GLMN: variants seen among roughly 807,000 people sequenced by gnomAD.
The protein encoded by GLMN is glomulin.
A neutral mutation model predicts 87.8 loss-of-function variants in GLMN; 75 were observed. That is an observed-to-expected ratio of 0.85 (90% CI 0.71 to 1.04). The LOEUF (loss-of-function observed/expected upper bound fraction) is 1.04, where lower values mean the gene tolerates loss of function less well. Among genes scored for constraint, GLMN ranks in the 50% least tolerant of loss-of-function variants. The pLI, the probability that GLMN is intolerant of heterozygous loss-of-function variation, is 0.00. For synonymous variants in GLMN, 206 were observed against 221.6 expected (o/e 0.93, Z 0.63); for missense variants, 588 against 658.8 (o/e 0.89, Z 1.18).
the GLMN span, among the ~76,000 whole-genome samples, chr1:92,361,077 C>CATATATATATATATA: frequency 5.9e-3 from 843 of 142,612 alleles, 3 homozygotes; most frequent in Middle Eastern, 0.011. Flanking sequence ...AAGCAAAAAG[C>CATATATATATATATA]ATATATATAT....
intron 3 of GLMN, among the ~76,000 whole-genome samples, chr1:92,297,144 G>T (rs1224386538): frequency 2.4e-4 from 35 of 147,254 alleles, no homozygotes; most frequent in Non-Finnish European, 7.5e-5. Flanking sequence ...CTGAGACAGG[G>T]TCTTACTCTG....
chr1:92,365,837 C>T, the GLMN span, among the ~76,000 whole-genome samples: 7 of 152,106 alleles, frequency 4.6e-5, no homozygotes, highest in Non-Finnish European at 7.3e-5. Context: ...TGTGGTCTAG[C>T]GGTTAGAAGT....
upstream of GLMN, among the ~76,000 whole-genome samples, chr1:92,301,819 C>T (rs1423371707): frequency 1.3e-5 from 2 of 152,068 alleles, no homozygotes; most frequent in Non-Finnish European, 2.9e-5. Flanking sequence ...GGTGATGACA[C>T]GTAATGTATA....
the GLMN span, among the ~76,000 whole-genome samples, chr1:92,350,591 T>C: frequency 0.86 from 131,407 of 152,206 alleles, 57,157 homozygotes; most frequent in East Asian, 1. Context: ...GTTAGGCTCT[T>C]TCCACAATCT....
chr1:92,300,242 A>G, upstream of GLMN: 1 of 1,605,780 alleles, frequency 6.2e-7, no homozygotes. Flanking sequence ...TCTAAAAGGT[A>G]TGACAGCTAC....
the GLMN span, among the ~76,000 whole-genome samples, chr1:92,334,943 G>A: frequency 3.3e-5 from 5 of 152,026 alleles, no homozygotes; most frequent in East Asian, 1.9e-4. Flanking sequence ...AGCCAAGATC[G>A]CACCACTGCA....
At chr1:92,248,364 TCC>T in intron 16 of GLMN, 1 of 189,436 alleles carries the variant, frequency 5.3e-6, no homozygotes, top group Non-Finnish European at 1.1e-5. Context: ...TCAATTGATA[TCC>T]ACACCACGGA....
intron 16 of GLMN, among the ~76,000 whole-genome samples, chr1:92,262,205 TAAC>T (rs1166131721): frequency 6.6e-6 from 1 of 152,078 alleles, no homozygotes; most frequent in Non-Finnish European, 1.5e-5. Context: ...AAAAACCAAT[TAAC>T]AACACATGAT....
chr1:92,250,364 T>C (rs930318165), intron 16 of GLMN, among the ~76,000 whole-genome samples: 10 of 152,180 alleles, frequency 6.6e-5, no homozygotes, highest in Non-Finnish European at 1.0e-4. Flanking sequence ...TTCAGCTTCC[T>C]TTTTCTTTGT....
chr1:92,310,639 C>T, the GLMN span, among the ~76,000 whole-genome samples: 4 of 151,938 alleles, frequency 2.6e-5, no homozygotes, highest in Non-Finnish European at 5.9e-5. Flanking sequence ...GACTCACGCC[C>T]GTAATCCCAG....
chr1:92,256,458 A>G (rs1028859139), intron 16 of GLMN, among the ~76,000 whole-genome samples: 1 of 152,178 alleles, frequency 6.6e-6, no homozygotes, highest in Admixed American at 6.5e-5. Context: ...AAAAAAAAGA[A>G]AATTTCAGGC....
At chr1:92,269,848 A>T in intron 8 of GLMN, 72 bp from the exon 9 acceptor site, 1 of 989,454 alleles carries the variant, frequency 1.0e-6, no homozygotes, top group Non-Finnish European at 1.6e-6. Flanking sequence ...ACATATTGTT[A>T]TGGGTTGAAT....
At chr1:92,357,231 G>A in the GLMN span, among the ~76,000 whole-genome samples, 1 of 152,066 alleles carries the variant, frequency 6.6e-6, no homozygotes, top group African/African-American at 2.4e-5. Flanking sequence ...GCCTACTGGA[G>A]GTTGAGGAAA....
chr1:92,283,371 C>A (rs1055197591), intron 7 of GLMN, among the ~76,000 whole-genome samples: 3 of 152,174 alleles, frequency 2.0e-5, no homozygotes, highest in Non-Finnish European at 4.4e-5. Context: ...ACAAAAACCA[C>A]ATGATTATCT....
chr1:92,293,354 G>A (rs899882116), intron 3 of GLMN, among the ~76,000 whole-genome samples: 3 of 152,014 alleles, frequency 2.0e-5, no homozygotes, highest in Admixed American at 6.6e-5. Flanking sequence ...ATATTGTCGC[G>A]ACATGTATTG....
chr1:92,258,574 T>C (rs1483063330), intron 16 of GLMN, among the ~76,000 whole-genome samples: 5 of 152,082 alleles, frequency 3.3e-5, no homozygotes, highest in African/African-American at 9.7e-5. Context: ...TGTGCAGCCA[T>C]AAAAAAGGAT....
intron 14 of GLMN, among the ~76,000 whole-genome samples, 159 bp from the exon 15 acceptor site, chr1:92,263,891 A>G (rs1240312137): frequency 6.6e-6 from 1 of 152,242 alleles, no homozygotes; most frequent in Non-Finnish European, 1.5e-5. Context: ...ACCAGGAACG[A>G]ACCCTGCCAG....
At chr1:92,276,629 T>G (rs1203858706) in intron 7 of GLMN, among the ~76,000 whole-genome samples, 1 of 152,192 alleles carries the variant, frequency 6.6e-6, no homozygotes, top group Non-Finnish European at 1.5e-5. Context: ...GCCTCTTCAC[T>G]CCAGCTTGGG....
intron 7 of GLMN, among the ~76,000 whole-genome samples, chr1:92,274,606 T>C (rs1189050303): frequency 6.6e-6 from 1 of 152,130 alleles, no homozygotes; most frequent in East Asian, 1.9e-4. Flanking sequence ...GGTCCTTTAT[T>C]ATTATTAATT....
Sources: gnomAD v4.1 joint callset for allele counts (sites outside exome capture counted in the v4.1 genomes callset) on GRCh38, gnomAD v4.1.1 for gene constraint, MANE v1.5 for transcripts, NCBI Gene and HGNC (gene_info 2026-07-23, HGNC 2026-07-21) for gene names.